Variants in ADAMTSL1 observed in about 807,000 individuals in gnomAD.
ADAMTSL1 encodes ADAMTS like 1.
A neutral mutation model predicts 201.8 loss-of-function variants in ADAMTSL1; 126 were observed. That is an observed-to-expected ratio of 0.62 (90% CI 0.54 to 0.72). The LOEUF is 0.72. ADAMTSL1 is among the 30% of genes least tolerant of loss of function. ADAMTSL1 has a pLI of 0.00. For synonymous variants in ADAMTSL1, 1,121 were observed against 903.4 expected, an observed-to-expected ratio of 1.24 and a Z score of -4.32; for missense variants, 2,679 against 2,277.8, an observed-to-expected ratio of 1.18 and a Z score of -3.59.
At chr9:17,947,014 A>C (rs570038062) in intron 1 of ADAMTSL1, among the ~76,000 whole-genome samples, 1 of 152,128 alleles carries the variant, frequency 6.6e-6, no homozygotes, top group Non-Finnish European at 1.5e-5. Context: ...CCAACTGATG[A>C]TAAAGGAGCA....
At chr9:18,596,696 G>C (rs11794157) in intron 4 of ADAMTSL1, among the ~76,000 whole-genome samples, 8,610 of 152,232 alleles carry the variant, frequency 0.057, 322 homozygotes, top group Non-Finnish European at 0.086. Flanking sequence ...GAGGTTATGA[G>C]AGATTTTGTA....
chr9:18,102,367 A>G (rs1469908698), intron 1 of ADAMTSL1, among the ~76,000 whole-genome samples: 3 of 152,172 alleles, frequency 2.0e-5, no homozygotes, highest in Non-Finnish European at 4.4e-5. Context: ...TTATTTATCC[A>G]ATGCCTGAGA....
At chr9:18,000,829 A>G (rs749390812) in intron 1 of ADAMTSL1, among the ~76,000 whole-genome samples, 3 of 152,078 alleles carry the variant, frequency 2.0e-5, no homozygotes, top group Non-Finnish European at 2.9e-5. Flanking sequence ...TCCAGGTGAC[A>G]GGGACTACAG....
At chr9:18,660,236 C>T (rs150603309) in intron 8 of ADAMTSL1, among the ~76,000 whole-genome samples, 1 of 152,268 alleles carries the variant, frequency 6.6e-6, no homozygotes, top group African/African-American at 2.4e-5. Flanking sequence ...GACCAGCTGT[C>T]CTTCCACTTT....
At chr9:18,789,153 A>G (rs146599703) in intron 19 of ADAMTSL1, among the ~76,000 whole-genome samples, 2 of 152,298 alleles carry the variant, frequency 1.3e-5, no homozygotes, top group East Asian at 1.9e-4. Flanking sequence ...TCTAGAATTT[A>G]TAAGCCCTGG....
intron 9 of ADAMTSL1, among the ~76,000 whole-genome samples, chr9:18,674,516 A>G (rs1250896839): frequency 1.3e-5 from 2 of 151,534 alleles, no homozygotes; most frequent in South Asian, 4.2e-4. Flanking sequence ...TGCTATTTTT[A>G]TCTCTGTGAT....
intron 1 of ADAMTSL1, among the ~76,000 whole-genome samples, chr9:17,950,362 T>TA (rs1827685033): frequency 6.6e-6 from 1 of 152,076 alleles, no homozygotes; most frequent in Admixed American, 6.6e-5. Flanking sequence ...ATATTTTATT[T>TA]AAAAATTAAA....
rs568875347 is a variant in ADAMTSL1 at position 18,203,195 on chromosome 9, A to G, written c.207+39214A>G. Among the ~76,000 whole-genome samples the G allele has an allele frequency of 4.1e-3, 631 of 152,200 alleles. 3 individuals are homozygous for G. Among genetic ancestry groups the G allele is most frequent in the African/African-American group, 0.014 (587 of 41,544 alleles). Reference sequence around the variant, plus strand: ...TGCTGGAGGCTCCCTGCTGAAGTCTAGCACCATATTTCATCCAGCTGCACT... The same window carrying G: ...TGCTGGAGGCTCCCTGCTGAAGTCTGGCACCATATTTCATCCAGCTGCACT... On this transcript the variant is annotated intron_variant, in intron 2 of 29. Coordinates refer to the ADAMTSL1 transcript ENST00000680146.
chr9:18,261,288 C>T (rs1831913545), intron 2 of ADAMTSL1, among the ~76,000 whole-genome samples: 1 of 152,122 alleles, frequency 6.6e-6, no homozygotes, highest in Non-Finnish European at 1.5e-5. Context: ...TTGCTTGACA[C>T]ATTTTAAGGC....
intron 2 of ADAMTSL1, among the ~76,000 whole-genome samples, chr9:18,445,052 G>T (rs140887254): frequency 0.014 from 2,136 of 152,212 alleles, 47 homozygotes; most frequent in African/African-American, 0.049. Context: ...AACCCAGTCA[G>T]TTGAACTCCA....
At chr9:18,231,843 C>T (rs1213505875) in intron 2 of ADAMTSL1, among the ~76,000 whole-genome samples, 1 of 152,290 alleles carries the variant, frequency 6.6e-6, no homozygotes, top group East Asian at 1.9e-4. Context: ...AGGCTTACAG[C>T]AAATACTACT....
intron 23 of ADAMTSL1, among the ~76,000 whole-genome samples, chr9:18,874,213 AG>A (rs1256504607): frequency 6.6e-6 from 1 of 152,096 alleles, no homozygotes; most frequent in Non-Finnish European, 1.5e-5. Flanking sequence ...AGGGCTTTCT[AG>A]GTATATGATT....
At chr9:18,046,944 C>A (rs1040036888) in intron 1 of ADAMTSL1, among the ~76,000 whole-genome samples, 3 of 152,022 alleles carry the variant, frequency 2.0e-5, no homozygotes, top group African/African-American at 7.2e-5. Flanking sequence ...AGCAATGGAA[C>A]TGAAGAAAAT....
intron 2 of ADAMTSL1, among the ~76,000 whole-genome samples, chr9:18,169,997 T>C (rs755274587): frequency 3.3e-5 from 5 of 152,008 alleles, no homozygotes; most frequent in Admixed American, 6.6e-5. Context: ...AAGCATAGAT[T>C]TGGTTACAGC....
chr9:18,067,384 T>A (rs960099601), intron 1 of ADAMTSL1, among the ~76,000 whole-genome samples: 3 of 152,180 alleles, frequency 2.0e-5, no homozygotes, highest in African/African-American at 7.2e-5. Flanking sequence ...TAGCAGATAC[T>A]CCTCTTCCTC....
At chr9:18,523,114 C>G (rs990014808) in intron 2 of ADAMTSL1, among the ~76,000 whole-genome samples, 2 of 152,138 alleles carry the variant, frequency 1.3e-5, no homozygotes, top group African/African-American at 4.8e-5. Context: ...TGTTTCCTGA[C>G]TTTTTAATGA....
intron 21 of ADAMTSL1, among the ~76,000 whole-genome samples, chr9:18,820,158 A>G (rs1261653383): frequency 6.6e-6 from 1 of 152,228 alleles, no homozygotes; most frequent in Non-Finnish European, 1.5e-5. Flanking sequence ...GGGCCTGCTT[A>G]AAGCAGTATT....
intron 4 of ADAMTSL1, among the ~76,000 whole-genome samples, chr9:18,606,108 G>C (rs1292099011): frequency 6.6e-6 from 1 of 152,142 alleles, no homozygotes; most frequent in Middle Eastern, 3.2e-3. Flanking sequence ...TGTTTGGGCT[G>C]AGTTCAGTTT....
chr9:18,362,547 G>A (rs1268728080), intron 2 of ADAMTSL1, among the ~76,000 whole-genome samples: 2 of 152,136 alleles, frequency 1.3e-5, no homozygotes, highest in Admixed American at 6.5e-5. Flanking sequence ...TAAGGAGCTG[G>A]CATTTTGCTG....
Sources: allele counts gnomAD v4.1 joint callset (sites outside exome capture counted in the v4.1 genomes callset), GRCh38; gene constraint gnomAD v4.1.1; transcripts MANE v1.5; gene names NCBI Gene and HGNC (gene_info 2026-07-23, HGNC 2026-07-21).